SLIT3: variants seen among roughly 807,000 people sequenced by gnomAD.
SLIT3 encodes slit guidance ligand 3, also known as slit homolog 3 protein.
Under a neutral mutation model 184.0 loss-of-function variants are expected in SLIT3, and 68 were observed. The observed-to-expected ratio is 0.37, with a 90% CI of 0.30 to 0.45. The LOEUF (loss-of-function observed/expected upper bound fraction) is 0.45. Among genes scored for constraint, SLIT3 ranks in the 20% least tolerant of loss-of-function variants. The probability of loss-of-function intolerance (pLI) is 1.00; values close to 1 mark genes in which losing one functional copy is unlikely to be tolerated. For synonymous variants in SLIT3, 831 were observed against 828.6 expected (o/e 1.00, Z -0.05); for missense variants, 1,707 against 2,026.0 (o/e 0.84, Z 3.02).
At chr5:168,841,995 GTGT>G (rs1758270483) in intron 6 of SLIT3, among the ~76,000 whole-genome samples, 7 of 152,198 alleles carry the variant, frequency 4.6e-5, no homozygotes, top group Admixed American at 4.6e-4. Flanking sequence ...TCAAGCTAAT[GTGT>G]AATACTGTCA....
rs542142030 is a variant in SLIT3 at position 168,677,690 on chromosome 5, C to A, written c.3687-4359G>T. Among the ~76,000 whole-genome samples the A allele has an allele frequency of 5.9e-4, 90 of 152,314 alleles. 1 individual carries two copies. Among genetic ancestry groups the A allele is most frequent in the African/African-American group, 2.1e-3 (88 of 41,566 alleles). ...TCTTGAACTCCTGACCTCAAGTGAT[C>A]CTCCTCCCTTGACCTCCCAAAGTGT... is the stretch of plus-strand genomic sequence containing the variant. On this transcript the variant is annotated intron_variant, in intron 32 of 35. Coordinates refer to ENST00000519560, the MANE Select transcript of SLIT3 (RefSeq NM_003062.4).
intron 15 of SLIT3, among the ~76,000 whole-genome samples, chr5:168,761,868 A>T (rs911057834): frequency 1.3e-5 from 2 of 151,430 alleles, no homozygotes; most frequent in African/African-American, 4.9e-5. Flanking sequence ...CCTCTCCGGT[A>T]GCTGAGACCA....
intron 4 of SLIT3, among the ~76,000 whole-genome samples, chr5:168,998,702 T>TCAAAACAAAA (rs66611793): frequency 0.011 from 1,547 of 141,676 alleles, 18 homozygotes; most frequent in African/African-American, 0.036. Flanking sequence ...AGACTCCATT[T>TCAAAACAAAA]CAAAACAAAA....
rs113594314 is a variant in SLIT3, at chr5:169,213,555, A to G, written c.342-20005T>C. Among the ~76,000 whole-genome samples, 139 of 152,290 alleles carry G rather than the reference A, an allele frequency of 9.1e-4. 3 individuals carry two copies. Among genetic ancestry groups the G allele is most frequent in the Middle Eastern group, 3.4e-3 (1 of 294 alleles). On this transcript the variant is annotated intron_variant, in intron 3 of 35. Transcript: ENST00000519560. ...GAGCTGACATCTTCACTTTCTTCAG[A>G]TCTCTCTTCAAATATCCCTTCCTCC...
intron 4 of SLIT3, among the ~76,000 whole-genome samples, chr5:169,057,780 ACTCCACC>A (rs1299999640): frequency 1.3e-5 from 2 of 151,950 alleles, no homozygotes; most frequent in Middle Eastern, 3.2e-3. Flanking sequence ...CACACTCCAC[ACTCCACC>A]CTGCTATGTG....
intron 3 of SLIT3, among the ~76,000 whole-genome samples, chr5:169,194,906 T>G (rs1255482433): frequency 6.6e-6 from 1 of 152,204 alleles, no homozygotes; most frequent in Non-Finnish European, 1.5e-5. Flanking sequence ...AGAGACGCCC[T>G]GCTGCATGCT....
At chr5:169,213,312 G>A (rs1764331203) in intron 3 of SLIT3, among the ~76,000 whole-genome samples, 1 of 152,068 alleles carries the variant, frequency 6.6e-6, no homozygotes, top group Admixed American at 6.5e-5. Context: ...GAAAATAAGA[G>A]GACACAAATA....
At chr5:169,248,719 A>T (rs545451807) in intron 2 of SLIT3, among the ~76,000 whole-genome samples, 1 of 152,212 alleles carries the variant, frequency 6.6e-6, no homozygotes, top group East Asian at 1.9e-4. Flanking sequence ...TATTAACCCC[A>T]TTTGGGATAA....
chr5:169,102,997 T>C (rs1279756438), intron 4 of SLIT3, among the ~76,000 whole-genome samples: 1 of 152,218 alleles, frequency 6.6e-6, no homozygotes, highest in East Asian at 1.9e-4. Context: ...AAAACTTGAC[T>C]ATGATAATAA....
At chr5:168,958,286 C>A (rs569898270) in intron 4 of SLIT3, among the ~76,000 whole-genome samples, 1 of 152,300 alleles carries the variant, frequency 6.6e-6, no homozygotes, top group African/African-American at 2.4e-5. Flanking sequence ...ACATGCACAT[C>A]AGTATCTAAC....
intron 32 of SLIT3, 151 bp downstream of exon 32, chr5:168,683,815 A>C: frequency 1.5e-6 from 1 of 658,048 alleles, no homozygotes; most frequent in Non-Finnish European, 2.3e-6. Context: ...CCACTCGGTG[A>C]GGAGGAAGTG....
chr5:168,836,003 G>A (rs767801421), intron 6 of SLIT3, among the ~76,000 whole-genome samples: 1 of 152,094 alleles, frequency 6.6e-6, no homozygotes, highest in Admixed American at 6.5e-5. Flanking sequence ...TGAAAGCTCA[G>A]GGAAAAGTAG....
intron 4 of SLIT3, among the ~76,000 whole-genome samples, chr5:169,190,612 A>T (rs949292741): frequency 2.6e-5 from 4 of 152,230 alleles, no homozygotes; most frequent in Admixed American, 1.3e-4. Flanking sequence ...GATAGTCTTC[A>T]GATAAACACG....
chr5:169,273,604 C>A (rs1308310733), intron 1 of SLIT3, among the ~76,000 whole-genome samples: 1 of 152,154 alleles, frequency 6.6e-6, no homozygotes, highest in East Asian at 1.9e-4. Context: ...ATTTTAAAGG[C>A]CCCAGGTGAT....
intron 6 of SLIT3, among the ~76,000 whole-genome samples, chr5:168,826,977 T>C (rs1757724810): frequency 6.6e-6 from 1 of 152,220 alleles, no homozygotes; most frequent in South Asian, 2.1e-4. Context: ...TTGGCCAGGC[T>C]GGTCTTCAAC....
At chr5:168,926,692 GGAC>G (rs1761835448) in intron 4 of SLIT3, among the ~76,000 whole-genome samples, 1 of 151,148 alleles carries the variant, frequency 6.6e-6, no homozygotes, top group Non-Finnish European at 1.5e-5. Context: ...AATGGGTAAA[GGAC>G]TTGGATAGAC....
At chr5:169,200,187 G>A (rs967499) in intron 3 of SLIT3, among the ~76,000 whole-genome samples, 2 of 152,214 alleles carry the variant, frequency 1.3e-5, no homozygotes, top group African/African-American at 4.8e-5. Flanking sequence ...GGGGCCACTA[G>A]GGCCTGGGCA....
chr5:169,118,401 CT>C (rs1442165816), intron 4 of SLIT3, among the ~76,000 whole-genome samples: 18 of 152,288 alleles, frequency 1.2e-4, no homozygotes, highest in Admixed American at 1.0e-3. Context: ...GTGACACTGG[CT>C]GAAGGTGCCT....
intron 4 of SLIT3, among the ~76,000 whole-genome samples, chr5:169,148,557 T>A (rs1581459822): frequency 6.6e-6 from 1 of 152,314 alleles, no homozygotes. Context: ...AGAGAGTAAT[T>A]AAATGCAACA....
Sources: gnomAD v4.1 joint callset for allele counts (sites outside exome capture counted in the v4.1 genomes callset) on GRCh38, gnomAD v4.1.1 for gene constraint, MANE v1.5 for transcripts, NCBI Gene and HGNC (gene_info 2026-07-23, HGNC 2026-07-21) for gene names.